The following MN1 variants were observed in gnomAD, a reference collection of about 807,000 sequenced individuals.
The protein encoded by MN1 is MN1 proto-oncogene, transcriptional regulator.
MN1 carries 19 observed loss-of-function variants against 86.9 expected under a neutral mutation model. The ratio of observed to expected loss-of-function variants is 0.22; its 90% CI spans 0.15 to 0.32. The LOEUF (loss-of-function observed/expected upper bound fraction) is 0.32. MN1 is among the 10% of genes least tolerant of loss of function. The pLI, the probability that MN1 is intolerant of heterozygous loss-of-function variation, is 1.00. For missense variants in MN1, 1,841 were observed against 1,862.0 expected (o/e 0.99, Z 0.21); for synonymous variants, 928 against 849.6 (o/e 1.09, Z -1.60).
intron 1 of MN1, among the ~76,000 whole-genome samples, chr22:27,771,220 T>A (rs1932911925): frequency 4.2e-5 from 1 of 24,032 alleles, no homozygotes; most frequent in Non-Finnish European, 7.6e-5. Context: ...TTTCCCTAAC[T>A]TTTTTTTTTT....
chr22:27,772,613 G>T (rs1932928643), intron 1 of MN1, among the ~76,000 whole-genome samples: 1 of 152,166 alleles, frequency 6.6e-6, no homozygotes, highest in South Asian at 2.1e-4. Context: ...TGGGGCACCA[G>T]GAGAGTGGTG....
intron 1 of MN1, among the ~76,000 whole-genome samples, chr22:27,794,914 C>A (rs766290371): frequency 1.3e-5 from 2 of 148,992 alleles, no homozygotes; most frequent in African/African-American, 5.0e-5. Context: ...GGGGGAGGGG[C>A]GGCTAGGCCA....
chr22:27,778,718 G>A (rs1036424667), intron 1 of MN1, among the ~76,000 whole-genome samples: 5 of 152,190 alleles, frequency 3.3e-5, no homozygotes, highest in African/African-American at 1.2e-4. Flanking sequence ...CCCGAGGTCT[G>A]GGACGTAAAA....
At chr22:27,776,556 C>A (rs538465630) in intron 1 of MN1, among the ~76,000 whole-genome samples, 1 of 152,294 alleles carries the variant, frequency 6.6e-6, no homozygotes, top group South Asian at 2.1e-4. Flanking sequence ...CCTGGCCTGA[C>A]CTAGAATCTG....
Position 27,798,945 on chromosome 22 carries a change from T to TTGCTGCTGCTGCTGCTGCTGTTGC in MN1, c.1598_1599insGCAACAGCAGCAGCAGCAGCAGCA (p.Gln543_Gln550dup). ...GCTGTTGCTGCTGCTGCTGCTGCTG[T>TTGCTGCTGCTGCTGCTGCTGTTGC]TGCTGCTGCTGCTGCTGCTGCTGCT... On this transcript the variant is annotated inframe_insertion, in exon 1 of 2. Transcript: ENST00000302326. The TTGCTGCTGCTGCTGCTGCTGTTGC allele has an allele frequency of 1.3e-6, 2 of 1,539,590 alleles. No homozygotes were observed. The highest frequency in any genetic ancestry group is 1.8e-6 in the Non-Finnish European group (2 of 1,140,650).
chr22:27,752,392 G>A (rs755037338), intron 1 of MN1, among the ~76,000 whole-genome samples: 9 of 152,164 alleles, frequency 5.9e-5, no homozygotes, highest in Non-Finnish European at 1.0e-4. Context: ...CAGCTACTAC[G>A]TGAAAGGACT....
At position 27,787,820 on chromosome 22, in the gene MN1, C is replaced by G. The variant is rs45621131; in HGVS notation, c.3781+8943G>C. Among the ~76,000 whole-genome samples, 65 of 152,282 alleles carry G rather than the reference C, an allele frequency of 4.3e-4. 1 individual carries two copies. The East Asian group carries it at 0.012, about 27-fold the overall frequency. ...CAGGCACGTCTGGGTCCTGACCTAC[C>G]CAGGGCCCATCTGGGTCTTCATCCC... On this transcript the variant is annotated intron_variant, in intron 1 of 1. Coordinates refer to ENST00000302326, the MANE Select transcript of MN1 (RefSeq NM_002430.3).
chr22:27,791,776 C>T (rs192093888), intron 1 of MN1: 322 of 152,272 alleles, frequency 2.1e-3, no homozygotes, highest in African/African-American at 7.3e-3. Context: ...TAAATGCTTT[C>T]GGCAAAGCTG....
At chr22:27,759,599 T>C (rs546632319) in intron 1 of MN1, among the ~76,000 whole-genome samples, 1 of 152,218 alleles carries the variant, frequency 6.6e-6, no homozygotes. Flanking sequence ...CTTCGGTGGG[T>C]CCACTTGCTG....
Position 27,800,962 on chromosome 22 carries a change from G to A in MN1, c.-419C>T, listed in dbSNP as rs1933426654. The A allele has an allele frequency of 1.2e-5, 4 of 335,520 alleles. No homozygotes were observed. The highest frequency in any genetic ancestry group is 2.2e-5 in the Non-Finnish European group (4 of 180,824). 20.8% of individuals were successfully genotyped at this position (335,520 alleles called of 1,614,324 possible). A position where few individuals can be genotyped will look rare whatever the true frequency, so the allele number is the denominator to read the frequency against. On this transcript the variant is annotated 5_prime_UTR_variant, in exon 1 of 2. Coordinates refer to ENST00000302326, the MANE Select transcript of MN1 (RefSeq NM_002430.3). The stretch of plus-strand genomic sequence containing the variant: ...CTTCTCAAGTCCGATTGGGTCTGCT[G>A]GGGAGCCCTCAGGACGCCGCCCGCA...
chr22:27,760,317 C>T (rs951111589), intron 1 of MN1, among the ~76,000 whole-genome samples: 3 of 152,176 alleles, frequency 2.0e-5, no homozygotes, highest in East Asian at 3.9e-4. Flanking sequence ...TGCACTCCAG[C>T]CTGGGCCACA....
intron 1 of MN1, among the ~76,000 whole-genome samples, chr22:27,791,365 C>T (rs1298691456): frequency 6.6e-6 from 1 of 152,148 alleles, no homozygotes; most frequent in Non-Finnish European, 1.5e-5. Flanking sequence ...TCAAATCCCA[C>T]ACTCAAATCT....
chr22:27,781,254 C>T (rs1352427407), intron 1 of MN1, among the ~76,000 whole-genome samples: 1 of 152,154 alleles, frequency 6.6e-6, no homozygotes, highest in African/African-American at 2.4e-5. Context: ...TGAACCTAAC[C>T]TCAATCACTC....
rs1210709233 is a variant in MN1, at chr22:27,797,431, G to A, written c.3113C>T (p.Ser1038Leu). ...LDGGAKSDSS[S>L]PNVGEFASDE... ...CGAGGCGAACTCACCCACGTTTGGC[G>A]AACTACTGTCCGACTTGGCCCCGCC... Residue 1038 changes from serine to leucine, a missense_variant, in exon 1 of 2, where the codon TCG (serine) becomes TTG (leucine). Transcript: ENST00000302326. 3.1e-6 allele frequency: 5 copies of A among 1,609,746 alleles called. No homozygotes were observed. Among genetic ancestry groups the A allele is most frequent in the Admixed American group, 1.7e-5 (1 of 59,734 alleles).
chr22:27,798,879 G>A lies in MN1; in HGVS notation c.1665C>T (p.Ala555=). The part of the protein sequence containing the change: ...QQQQQQRQNA[A]LMIKQMASRN... ...GCGACGCCATCTGCTTAATCATGAG[G>A]GCCGCGTTTTGGCGCTGCTGCTGCT... is the stretch of plus-strand genomic sequence containing the variant. Residue 555 remains alanine (A), a synonymous_variant, in exon 1 of 2, where the codon GCC becomes GCT. Transcript: ENST00000302326. The A allele has an allele frequency of 6.5e-7, 1 of 1,548,112 alleles. No homozygotes were observed. The highest frequency in any genetic ancestry group is 2.0e-5 in the Admixed American group (1 of 51,118).
intron 1 of MN1, among the ~76,000 whole-genome samples, chr22:27,787,790 G>A (rs1449524488): frequency 6.6e-6 from 1 of 152,152 alleles, no homozygotes; most frequent in Non-Finnish European, 1.5e-5. Flanking sequence ...TGCAGGAATT[G>A]GCCACAGGCA....
chr22:27,792,669 G>C (rs1318406997), intron 1 of MN1, among the ~76,000 whole-genome samples: 1 of 152,046 alleles, frequency 6.6e-6, no homozygotes, highest in East Asian at 1.9e-4. Context: ...CTGCACAAAG[G>C]GGGCCCTATC....
Position 27,797,923 on chromosome 22 carries a change from G to C in MN1, c.2621C>G (p.Pro874Arg), listed in dbSNP as rs1933332419. 2 of 1,600,772 alleles carry C rather than the reference G, an allele frequency of 1.2e-6. No individual in the cohort carries two copies. Among genetic ancestry groups the C allele is most frequent in the Non-Finnish European group, 1.7e-6 (2 of 1,173,218 alleles). The change falls in exon 1 of 2, where the codon CCG becomes CGG. Residue 874 changes from proline to arginine, a missense_variant. Transcript: ENST00000302326. ...CCCTCCTGGGAAGTAATCCGAGCCCGGGTTGCCGGCCACTGCCGCGCCGTC... is the reference window on the plus strand; with the variant it reads ...CCCTCCTGGGAAGTAATCCGAGCCCCGGTTGCCGGCCACTGCCGCGCCGTC... ...ETDGAAVAGN[P>R]GSDYFPGGTA... is the part of the protein sequence containing the mutation.
intron 1 of MN1, among the ~76,000 whole-genome samples, chr22:27,773,753 T>C (rs1932941523): frequency 6.6e-6 from 1 of 151,818 alleles, no homozygotes; most frequent in South Asian, 2.1e-4. Context: ...GCCTCCCGGG[T>C]TCAAGCAGTT....
Sources: gnomAD v4.1 joint callset for allele counts (sites outside exome capture counted in the v4.1 genomes callset) on GRCh38, gnomAD v4.1.1 for gene constraint, MANE v1.5 for transcripts, NCBI Gene and HGNC (gene_info 2026-07-23, HGNC 2026-07-21) for gene names.